Variants in CSMD1 observed in about 807,000 individuals in gnomAD.
CSMD1 encodes CUB and Sushi multiple domains 1.
A neutral mutation model predicts 417.5 loss-of-function variants in CSMD1; 213 were observed. That is an observed-to-expected ratio of 0.51 (90% confidence interval 0.46 to 0.57). CSMD1 has a LOEUF of 0.57. Ranked by LOEUF, CSMD1 falls within the 20% of genes least tolerant of loss-of-function variation. The probability of loss-of-function intolerance (pLI) is 0.00; values close to 1 mark genes in which losing one functional copy is unlikely to be tolerated. For synonymous variants in CSMD1, 2,862 were observed against 1,736.8 expected (o/e 1.65, Z -16.11); for missense variants, 6,923 against 4,529.7 (o/e 1.53, Z -15.17).
At chr8:3,624,368 T>C (rs77564289) in intron 7 of CSMD1, among the ~76,000 whole-genome samples, 4,023 of 152,302 alleles carry the variant, frequency 0.026, 81 homozygotes, top group Middle Eastern at 0.078. Context: ...GTTAAATCTC[T>C]ATGTAAGGTG....
intron 5 of CSMD1, among the ~76,000 whole-genome samples, chr8:3,864,996 T>A (rs1292696663): frequency 6.6e-6 from 1 of 152,184 alleles, no homozygotes; most frequent in Non-Finnish European, 1.5e-5. Context: ...TCTGCTTTAG[T>A]CTGGTTGAGG....
chr8:3,752,689 A>AAAAAC (rs2129053468), intron 6 of CSMD1, among the ~76,000 whole-genome samples: 1 of 66,398 alleles, frequency 1.5e-5, no homozygotes, highest in East Asian at 4.0e-4. Flanking sequence ...AAAAAAAAAA[A>AAAAAC]AAAAAAAAAA....
At chr8:4,871,811 C>G (rs770006233) in intron 1 of CSMD1, among the ~76,000 whole-genome samples, 1 of 152,168 alleles carries the variant, frequency 6.6e-6, no homozygotes, top group East Asian at 1.9e-4. Flanking sequence ...AAAAACCTTT[C>G]CAGTAACATC....
chr8:3,091,691 C>G (rs1422155281), intron 47 of CSMD1, 29 bp from the exon 48 acceptor site: 2 of 1,595,208 alleles, frequency 1.3e-6, no homozygotes, highest in South Asian at 2.3e-5. Context: ...CAAAAACATT[C>G]AGAGATGAGT....
chr8:3,618,845 G>C (rs1233227702), intron 7 of CSMD1, among the ~76,000 whole-genome samples: 2 of 152,186 alleles, frequency 1.3e-5, no homozygotes, highest in Admixed American at 1.3e-4. Context: ...TTGAGAGGAA[G>C]CGGCCCAGTG....
At chr8:4,306,533 G>C (rs1035748223) in intron 3 of CSMD1, among the ~76,000 whole-genome samples, 31 of 152,302 alleles carry the variant, frequency 2.0e-4, no homozygotes, top group Middle Eastern at 6.8e-3. Context: ...TCATCTTGAA[G>C]ACAAAATTTT....
intron 22 of CSMD1, among the ~76,000 whole-genome samples, chr8:3,345,491 A>G (rs191142062): frequency 5.9e-5 from 9 of 152,280 alleles, no homozygotes; most frequent in Admixed American, 5.9e-4. Flanking sequence ...ACTGATCACA[A>G]ATAAAAACCC....
chr8:4,293,369 T>G (rs1797480128), intron 3 of CSMD1, among the ~76,000 whole-genome samples: 2 of 152,220 alleles, frequency 1.3e-5, no homozygotes, highest in Non-Finnish European at 1.5e-5. Context: ...AAGTCCAATC[T>G]AAATTTATTG....
intron 54 of CSMD1, among the ~76,000 whole-genome samples, chr8:2,985,936 GAAGGGAAGGGGA>G (rs1805858093): frequency 7.7e-6 from 1 of 129,856 alleles, no homozygotes; most frequent in Non-Finnish European, 1.6e-5. Flanking sequence ...GGAGGGGAGG[GAAGGGAAGGGGA>G]AGGGGAAGGG....
At chr8:4,232,984 C>A (rs192258932) in intron 3 of CSMD1, among the ~76,000 whole-genome samples, 1 of 152,198 alleles carries the variant, frequency 6.6e-6, no homozygotes, top group Non-Finnish European at 1.5e-5. Context: ...AAGGAGGAAA[C>A]AGGAAGAGGA....
chr8:4,651,428 T>C (rs1490147368), intron 1 of CSMD1, among the ~76,000 whole-genome samples: 1 of 152,208 alleles, frequency 6.6e-6, no homozygotes, highest in South Asian at 2.1e-4. Flanking sequence ...GCATCATTTC[T>C]AATTTTTTGC....
In CSMD1 at chr8:3,720,620, T is replaced by TTCAC. The variant is rs72331833; in HGVS notation, c.932-12130_932-12129insGTGA. Among the ~76,000 whole-genome samples, 1,280 of 143,416 alleles carry TTCAC rather than the reference T, an allele frequency of 8.9e-3. 20 individuals carry two copies. The highest frequency in any genetic ancestry group is 0.027 in the East Asian group (129 of 4,816). 94.1% of individuals were successfully genotyped at this position (143,416 alleles called of 152,430 possible). A position where few individuals can be genotyped will look rare whatever the true frequency, so the allele number is the denominator to read the frequency against. ...CATTGGTGGTCAAAGTCTTTATTCT[T>TTCAC]ACACACACACACACACACACACACA... On this transcript the variant is annotated intron_variant, in intron 6 of 69. Transcript: ENST00000635120.
At chr8:3,606,152 A>G (rs73491448) in intron 8 of CSMD1, among the ~76,000 whole-genome samples, 6,047 of 152,322 alleles carry the variant, frequency 0.04, 144 homozygotes, top group Middle Eastern at 0.075. Context: ...CTCGTTCTGC[A>G]GAGAGAAGCC....
intron 2 of CSMD1, among the ~76,000 whole-genome samples, chr8:4,566,519 G>T (rs866764318): frequency 3.5e-4 from 53 of 151,964 alleles, no homozygotes; most frequent in South Asian, 6.2e-4. Context: ...CGGGCGTGGT[G>T]GCGGGCGCCT....
At chr8:4,472,998 A>C (rs1554490983) in intron 2 of CSMD1, among the ~76,000 whole-genome samples, 1 of 152,036 alleles carries the variant, frequency 6.6e-6, no homozygotes, top group Non-Finnish European at 1.5e-5. Flanking sequence ...ATATGTACAC[A>C]TAAATTATAT....
At chr8:3,161,415 G>C (rs557122087) in intron 38 of CSMD1, among the ~76,000 whole-genome samples, 2 of 152,082 alleles carry the variant, frequency 1.3e-5, no homozygotes, top group East Asian at 3.9e-4. Context: ...TCAGGAGTTC[G>C]AGACCAGCTT....
In CSMD1 at chr8:4,692,891, C is replaced by T. The variant is rs921567903; in HGVS notation, c.86-55333G>A. Among the ~76,000 whole-genome samples, 5 of 152,222 alleles carry T rather than the reference C, an allele frequency of 3.3e-5. No individual in the cohort carries two copies. The South Asian group carries it at 6.2e-4, about 19-fold the overall frequency. On this transcript the variant is annotated intron_variant, in intron 1 of 69. Transcript: ENST00000635120. ...ACAAGACTCTATGGTATTCTTCTGA[C>T]TTAATTGCTTAAACACTGACCAGAT... is the stretch of plus-strand genomic sequence containing the variant.
At chr8:3,429,723 G>T (rs561500210) in intron 12 of CSMD1, among the ~76,000 whole-genome samples, 27 of 152,128 alleles carry the variant, frequency 1.8e-4, no homozygotes, top group Non-Finnish European at 2.9e-4. Flanking sequence ...TAAATTGTTA[G>T]GTTTTTCAGC....
intron 52 of CSMD1, among the ~76,000 whole-genome samples, chr8:3,004,869 T>G (rs1167960860): frequency 3.9e-5 from 6 of 152,188 alleles, no homozygotes; most frequent in East Asian, 1.9e-4. Context: ...CCAGGCGCAG[T>G]GGCTCATGCC....
Sources: allele counts gnomAD v4.1 joint callset (sites outside exome capture counted in the v4.1 genomes callset), GRCh38; gene constraint gnomAD v4.1.1; transcripts MANE v1.5; gene names NCBI Gene and HGNC (gene_info 2026-07-23, HGNC 2026-07-21).